KCNT2: variants seen among roughly 807,000 people sequenced by gnomAD.
KCNT2 encodes the protein potassium sodium-activated channel subfamily T member 2.
Under a neutral mutation model 153.8 loss-of-function variants are expected in KCNT2, and 67 were observed. The observed-to-expected ratio is 0.44, with a 90% CI of 0.36 to 0.53. The LOEUF (loss-of-function observed/expected upper bound fraction) is 0.53. KCNT2 is among the 20% of genes least tolerant of loss of function. The pLI, the probability that KCNT2 is intolerant of heterozygous loss-of-function variation, is 0.00. For synonymous variants in KCNT2, 500 were observed against 458.8 expected (o/e 1.09, Z -1.15); for missense variants, 975 against 1,354.8 (o/e 0.72, Z 4.40).
Position 196,409,780 on chromosome 1 carries a change from G to A in KCNT2, c.1186-11109C>T, listed in dbSNP as rs12143693. On this transcript the variant is annotated intron_variant, in intron 12 of 27. Transcript: ENST00000294725. ...ACATAGGAGTACAGACATCTCTTTC[G>A]CATGTTGATTTCAATGCCTTTGGAT... Among the ~76,000 whole-genome samples the A allele has an allele frequency of 7.9e-3, 1,192 of 151,604 alleles. 12 individuals are homozygous for A. The highest frequency in any genetic ancestry group is 0.012 in the Admixed American group (177 of 15,170).
At chr1:196,373,491 A>G (rs1668701654) in intron 13 of KCNT2, among the ~76,000 whole-genome samples, 1 of 151,848 alleles carries the variant, frequency 6.6e-6, no homozygotes, top group Non-Finnish European at 1.5e-5. Flanking sequence ...AACCTTTGCT[A>G]AAATGCTTAA....
At chr1:196,391,903 T>G (rs1272942737) in intron 13 of KCNT2, among the ~76,000 whole-genome samples, 1 of 151,334 alleles carries the variant, frequency 6.6e-6, no homozygotes, top group Non-Finnish European at 1.5e-5. Flanking sequence ...ATAAATGTGG[T>G]AAAAATAAAA....
At chr1:196,485,509 G>A (rs968844645) in intron 3 of KCNT2, among the ~76,000 whole-genome samples, 10 of 151,748 alleles carry the variant, frequency 6.6e-5, no homozygotes, top group Admixed American at 6.6e-4. Context: ...TCAAACTAAT[G>A]GCATTTTCTT....
intron 12 of KCNT2, among the ~76,000 whole-genome samples, chr1:196,419,360 A>G (rs915556045): frequency 7.5e-5 from 8 of 106,996 alleles, no homozygotes; most frequent in African/African-American, 2.9e-4. Context: ...CAGTCCCCAG[A>G]ATGTGATGTT....
At chr1:196,229,433 C>T (rs1184943656) in intron 27 of KCNT2, among the ~76,000 whole-genome samples, 3 of 152,000 alleles carry the variant, frequency 2.0e-5, no homozygotes, top group Non-Finnish European at 4.4e-5. Flanking sequence ...GCTATTCCCT[C>T]GACTCTTTTC....
intron 21 of KCNT2, among the ~76,000 whole-genome samples, chr1:196,311,665 G>T (rs1439327821): frequency 6.6e-6 from 1 of 151,768 alleles, no homozygotes; most frequent in African/African-American, 2.4e-5. Context: ...TCTCCAGAGA[G>T]ACTTTTTTTC....
intron 22 of KCNT2, among the ~76,000 whole-genome samples, chr1:196,304,327 A>G (rs1333724857): frequency 4.6e-5 from 7 of 152,184 alleles, no homozygotes; most frequent in African/African-American, 1.7e-4. Flanking sequence ...TTATATTGTT[A>G]TAAGAAATGA....
intron 25 of KCNT2, among the ~76,000 whole-genome samples, chr1:196,269,057 C>G (rs540324122): frequency 6.6e-6 from 1 of 151,980 alleles, no homozygotes; most frequent in Non-Finnish European, 1.5e-5. Flanking sequence ...AAATCAAAGG[C>G]GTACAATCAT....
At chr1:196,231,997 C>A (rs759439275) in intron 27 of KCNT2, among the ~76,000 whole-genome samples, 2 of 151,672 alleles carry the variant, frequency 1.3e-5, no homozygotes, top group African/African-American at 4.8e-5. Context: ...AAAGTGAGAA[C>A]GCTAATAAAG....
At chr1:196,505,901 T>C (rs1681097077) in intron 1 of KCNT2, among the ~76,000 whole-genome samples, 1 of 152,190 alleles carries the variant, frequency 6.6e-6, no homozygotes. Flanking sequence ...TATTGGTGTA[T>C]AAGAATGCTT....
At position 196,235,985 on chromosome 1, in the gene KCNT2, C is replaced by T. The variant is rs1245433180; in HGVS notation, c.3296+1G>A. On this transcript the variant is annotated splice_donor_variant, in intron 27 of 27. Coordinates refer to ENST00000294725, the MANE Select transcript of KCNT2 (RefSeq NM_198503.5). LOFTEE classifies it high-confidence loss of function. Reference sequence around the variant, plus strand: ...TTATATGAGATATGAGATCAACTTACACAACATCATTCAGCTCTATTCTGG... The same window carrying T: ...TTATATGAGATATGAGATCAACTTATACAACATCATTCAGCTCTATTCTGG... 1 of 1,569,642 alleles carries T rather than the reference C, an allele frequency of 6.4e-7. No individual in the cohort carries two copies. Among genetic ancestry groups the T allele is most frequent in the East Asian group, 2.3e-5 (1 of 44,432 alleles).
chr1:196,371,865 C>T (rs1668567430), intron 14 of KCNT2, among the ~76,000 whole-genome samples: 1 of 152,018 alleles, frequency 6.6e-6, no homozygotes, highest in African/African-American at 2.4e-5. Context: ...CTTATTTTAT[C>T]ACTCATGTAT....
intron 1 of KCNT2, among the ~76,000 whole-genome samples, chr1:196,555,247 A>T (rs1033251749): frequency 3.3e-5 from 5 of 151,220 alleles, no homozygotes; most frequent in African/African-American, 1.2e-4. Context: ...TTACATTTGG[A>T]ATAACCTAAA....
At chr1:196,294,716 G>A (rs1418232212) in intron 22 of KCNT2, among the ~76,000 whole-genome samples, 2 of 151,842 alleles carry the variant, frequency 1.3e-5, no homozygotes, top group African/African-American at 4.8e-5. Flanking sequence ...TATGTTCATG[G>A]CAGCCTTATT....
intron 25 of KCNT2, among the ~76,000 whole-genome samples, chr1:196,268,352 T>A (rs1657740816): frequency 6.6e-6 from 1 of 152,186 alleles, no homozygotes; most frequent in Non-Finnish European, 1.5e-5. Flanking sequence ...TCAAAACAAT[T>A]CTTACCACCT....
intron 25 of KCNT2, among the ~76,000 whole-genome samples, chr1:196,276,166 C>T (rs1658549743): frequency 6.6e-6 from 1 of 151,816 alleles, no homozygotes; most frequent in African/African-American, 2.4e-5. Flanking sequence ...CCATATATTC[C>T]ACTACCTTTG....
At chr1:196,314,869 T>G (rs775043349) in intron 21 of KCNT2, among the ~76,000 whole-genome samples, 2 of 151,704 alleles carry the variant, frequency 1.3e-5, no homozygotes, top group Non-Finnish European at 2.9e-5. Context: ...TATTAAGTAA[T>G]TAAAAATGAC....
intron 8 of KCNT2, among the ~76,000 whole-genome samples, chr1:196,438,398 T>C (rs1271843217): frequency 6.6e-6 from 1 of 151,868 alleles, no homozygotes; most frequent in Non-Finnish European, 1.5e-5. Flanking sequence ...ATCCAGGGAT[T>C]AATGAGTAGC....
intron 1 of KCNT2, among the ~76,000 whole-genome samples, chr1:196,560,462 G>A (rs1412399859): frequency 6.6e-6 from 1 of 151,690 alleles, no homozygotes; most frequent in Non-Finnish European, 1.5e-5. Context: ...GAAGTACATC[G>A]TCTTCTCTTT....
Sources: gnomAD v4.1 joint callset for allele counts (sites outside exome capture counted in the v4.1 genomes callset) on GRCh38, gnomAD v4.1.1 for gene constraint, MANE v1.5 for transcripts, NCBI Gene and HGNC (gene_info 2026-07-23, HGNC 2026-07-21) for gene names.